Variants in FRYL observed in about 807,000 individuals in gnomAD.
The protein encoded by FRYL is FRY like transcription coactivator, also known as protein furry homolog-like.
FRYL carries 150 observed loss-of-function variants against 351.2 expected under a neutral mutation model. The observed-to-expected ratio is 0.43, with a 90% CI of 0.37 to 0.49. The LOEUF (loss-of-function observed/expected upper bound fraction) is 0.49. Ranked by LOEUF, FRYL falls within the 20% of genes least tolerant of loss-of-function variation. FRYL has a pLI of 0.00. For missense variants in FRYL, 3,036 were observed against 3,619.3 expected, an observed-to-expected ratio of 0.84 and a Z score of 4.13; for synonymous variants, 1,153 against 1,257.1, an observed-to-expected ratio of 0.92 and a Z score of 1.75.
chr4:48,743,891 A>G (rs1249333164), intron 1 of FRYL, among the ~76,000 whole-genome samples: 1 of 152,132 alleles, frequency 6.6e-6, no homozygotes, highest in African/African-American at 2.4e-5. Flanking sequence ...AGCCTCCACT[A>G]TCACTTGGGC....
intron 7 of FRYL, among the ~76,000 whole-genome samples, chr4:48,614,154 A>G (rs539052704): frequency 6.6e-6 from 1 of 152,232 alleles, no homozygotes; most frequent in African/African-American, 2.4e-5. Flanking sequence ...TAAGTTCTAA[A>G]AATTTTACTT....
At chr4:48,561,201 T>A (rs1735435330) in intron 33 of FRYL, among the ~76,000 whole-genome samples, 1 of 152,184 alleles carries the variant, frequency 6.6e-6, no homozygotes, top group Non-Finnish European at 1.5e-5. Flanking sequence ...TGAAAAGTCG[T>A]CCCTCTTGTA....
At chr4:48,619,132 C>G in intron 7 of FRYL, 142 bp downstream of exon 7, 2 of 614,048 alleles carry the variant, frequency 3.3e-6, no homozygotes, top group Non-Finnish European at 5.7e-6. Context: ...CCCCAGGCAA[C>G]TGAAAGAAGT....
At chr4:48,501,764 G>C in intron 61 of FRYL, 31 bp from the exon 62 acceptor site, 2 of 1,252,240 alleles carry the variant, frequency 1.6e-6, no homozygotes, top group Non-Finnish European at 2.3e-6. Flanking sequence ...ATTAAATTTA[G>C]GTGTTATTTT....
intron 1 of FRYL, among the ~76,000 whole-genome samples, chr4:48,746,794 G>C (rs981046209): frequency 3.9e-5 from 6 of 152,054 alleles, no homozygotes; most frequent in Non-Finnish European, 5.9e-5. Context: ...ACCATGTAGA[G>C]AGACCACATC....
intron 7 of FRYL, among the ~76,000 whole-genome samples, chr4:48,611,500 G>A (rs1275557881): frequency 6.6e-6 from 1 of 151,910 alleles, no homozygotes; most frequent in Non-Finnish European, 1.5e-5. Context: ...CAATCAATTT[G>A]TATGTGTCTA....
At chr4:48,751,665 A>C (rs563282518) in intron 1 of FRYL, among the ~76,000 whole-genome samples, 1 of 152,290 alleles carries the variant, frequency 6.6e-6, no homozygotes, top group Admixed American at 6.5e-5. Context: ...AGTTCCATGA[A>C]AGGAAAAAAG....
Position 48,589,775 on chromosome 4 carries a change from A to G in FRYL, c.1610T>C (p.Met537Thr), listed in dbSNP as rs756567886. 1 of 1,613,902 alleles carries G rather than the reference A, an allele frequency of 6.2e-7. No homozygotes were observed. Among genetic ancestry groups the G allele is most frequent in the Admixed American group, 1.7e-5 (1 of 60,012 alleles). ...CATGTCTTCAGGCTCCTTATTAGAC[A>G]TCTGCACACTGGTCATACACATTGG... The part of the protein sequence containing the change: ...GRPMCMTSVQ[M>T]SNKEPEDMIT... The change falls in exon 18 of 64, where the codon ATG (methionine) becomes ACG (threonine). Residue 537 changes from methionine to threonine, a missense_variant. By Grantham distance (81) the Met-to-Thr change is moderately conservative. Transcript: ENST00000358350.
rs1472358688 is a variant in FRYL, at chr4:48,684,742, G to A, written c.-150C>T. The A allele has an allele frequency of 5.3e-5, 8 of 152,080 alleles. No homozygotes were observed. The highest frequency in any genetic ancestry group is 1.7e-4 in the African/African-American group (7 of 41,402). The allele number at this position is 152,080 out of a possible 1,614,324, so 9.4% of individuals were successfully genotyped here. A position where few individuals can be genotyped will look rare whatever the true frequency, so the allele number is the denominator to read the frequency against. ...ATCCTATGACTCTTGAGTGGTTTCA[G>A]GAATTAAGCATTTAGATGTTAACCA... On this transcript the variant is annotated 5_prime_UTR_variant, in exon 3 of 64. Coordinates refer to ENST00000358350, the MANE Select transcript of FRYL (RefSeq NM_015030.2).
At chr4:48,714,604 A>G (rs1768518872) in intron 1 of FRYL, among the ~76,000 whole-genome samples, 1 of 149,772 alleles carries the variant, frequency 6.7e-6, no homozygotes, top group African/African-American at 2.4e-5. Flanking sequence ...GACCAATAAC[A>G]GGAGCTGAAA....
chr4:48,769,174 C>T (rs988156373), intron 1 of FRYL, among the ~76,000 whole-genome samples: 6 of 152,072 alleles, frequency 3.9e-5, no homozygotes, highest in African/African-American at 2.4e-5. Flanking sequence ...AAAAGGCAAA[C>T]GTTCTGTTCT....
chr4:48,539,520 C>T (rs1578011685), intron 47 of FRYL, among the ~76,000 whole-genome samples: 1 of 152,144 alleles, frequency 6.6e-6, no homozygotes, highest in Non-Finnish European at 1.5e-5. Flanking sequence ...TATTCTGCCC[C>T]CCACCCTCCC....
intron 54 of FRYL, among the ~76,000 whole-genome samples, chr4:48,522,501 T>C (rs983713366): frequency 1.3e-5 from 2 of 152,240 alleles, no homozygotes; most frequent in African/African-American, 2.4e-5. Context: ...CATTTTCCAC[T>C]GACTCTACTT....
At chr4:48,737,365 T>C (rs1374655587) in intron 1 of FRYL, among the ~76,000 whole-genome samples, 1 of 152,098 alleles carries the variant, frequency 6.6e-6, no homozygotes, top group Admixed American at 6.6e-5. Context: ...GCTTTGCTCA[T>C]GAATTTGATA....
chr4:48,589,860 G>T lies in FRYL; in HGVS notation c.1525C>A (p.Pro509Thr), dbSNP rs769683003. The T allele has an allele frequency of 1.2e-6, 2 of 1,612,610 alleles. No individual in the cohort carries two copies. Among genetic ancestry groups the T allele is most frequent in the Admixed American group, 3.3e-5 (2 of 59,926 alleles). Residue 509 changes from proline (P) to threonine (T), a missense_variant, in exon 18 of 64, where the codon CCT becomes ACT. By Grantham distance (38) the Pro-to-Thr change is conservative (BLOSUM62 -1). Transcript: ENST00000358350. ...CTATCTAATGCTTTTCTTACTTGAG[G>T]ATAGTAAACTGACATTCCTAGGGGA... ...AKVIGMSVYY[P>T]QVRKALDSIL...
intron 19 of FRYL, among the ~76,000 whole-genome samples, chr4:48,583,868 G>A (rs1465323859): frequency 6.6e-6 from 1 of 151,048 alleles, no homozygotes. Context: ...TTGTGCCACT[G>A]CACTCCAGCC....
chr4:48,628,050 C>T (rs1284846439), intron 4 of FRYL, among the ~76,000 whole-genome samples: 3 of 152,122 alleles, frequency 2.0e-5, no homozygotes, highest in Non-Finnish European at 2.9e-5. Context: ...GGGTTACAGG[C>T]GTGAGCCACC....
chr4:48,541,432 C>A (rs1303849492), intron 45 of FRYL, among the ~76,000 whole-genome samples: 3 of 152,074 alleles, frequency 2.0e-5, no homozygotes, highest in South Asian at 2.1e-4. Flanking sequence ...TTTATGTTTG[C>A]CAGCTGTATA....
At chr4:48,651,911 T>C (rs1029047823) in intron 3 of FRYL, among the ~76,000 whole-genome samples, 1 of 152,216 alleles carries the variant, frequency 6.6e-6, no homozygotes, top group Non-Finnish European at 1.5e-5. Flanking sequence ...TGCTGAACAC[T>C]GAGACTAGCA....
Sources: gnomAD v4.1 joint callset for allele counts (sites outside exome capture counted in the v4.1 genomes callset) on GRCh38, gnomAD v4.1.1 for gene constraint, MANE v1.5 for transcripts, NCBI Gene and HGNC (gene_info 2026-07-23, HGNC 2026-07-21) for gene names.